The following SOX4 variants were observed in gnomAD, a reference collection of about 807,000 sequenced individuals.
SOX4 encodes the protein transcription factor SOX-4.
For synonymous variants in SOX4, 465 were observed against 348.4 expected (o/e 1.33, Z -3.73); for missense variants, 662 against 694.9 (o/e 0.95, Z 0.53).
In SOX4 at chr6:21,598,381, C is replaced by T. The variant is rs569227343; in HGVS notation, c.*2422C>T. 20 of 167,180 alleles carry T rather than the reference C, an allele frequency of 1.2e-4. No homozygotes were observed. The highest frequency in any genetic ancestry group is 2.0e-4 in the Admixed American group (3 of 15,306). The allele number at this position is 167,180 out of a possible 1,614,324, so 10.4% of individuals were successfully genotyped here. A position where few individuals can be genotyped will look rare whatever the true frequency, so the allele number is the denominator to read the frequency against. On this transcript the variant is annotated 3_prime_UTR_variant, in exon 1 of 1. Transcript: ENST00000244745. ...CACTAGGACGTCTGCCTTTTTAAGG[C>T]AGTTCCGTTAAGGGTTTTTGTTTTT...
Position 21,595,579 on chromosome 6 carries a change from C to A in SOX4, c.1045C>A (p.Pro349Thr). The change falls in exon 1 of 1, where the codon CCC becomes ACC. Residue 349 changes from proline (P) to threonine (T), a missense_variant. By Grantham distance (38) the Pro-to-Thr change is conservative (BLOSUM62 -1). Coordinates refer to ENST00000244745, the MANE Select transcript of SOX4 (RefSeq NM_003107.3). Reference protein sequence around the residue: ...LSGRSSAASSPAAGRSPADHR... With the variant: ...LSGRSSAASSTAAGRSPADHR... ...CGGCCGCAGCAGCGCCGCCTCGTCC[C>A]CCGCCGCCGGCCGCTCGCCCGCCGA... 1 of 1,198,822 alleles carries A rather than the reference C, an allele frequency of 8.3e-7. No individual in the cohort carries two copies. 74.3% of individuals were successfully genotyped at this position (1,198,822 alleles called of 1,614,324 possible). A position where few individuals can be genotyped will look rare whatever the true frequency, so the allele number is the denominator to read the frequency against.
rs545170892 is a variant in SOX4, at chr6:21,596,402, T to A, written c.*443T>A. The A allele has an allele frequency of 6.0e-6, 1 of 167,548 alleles. No individual in the cohort carries two copies. Among genetic ancestry groups the A allele is most frequent in the African/African-American group, 2.4e-5 (1 of 41,484 alleles). 10.4% of individuals were successfully genotyped at this position (167,548 alleles called of 1,614,324 possible). On this transcript the variant is annotated 3_prime_UTR_variant, in exon 1 of 1. Coordinates refer to ENST00000244745, the MANE Select transcript of SOX4 (RefSeq NM_003107.3). Reference sequence around the variant, plus strand: ...AGTTTTCTAGAGACTTGAAGGAGTCTCCCCCTTCCTGCATCACCACCTTGG... The same window carrying A: ...AGTTTTCTAGAGACTTGAAGGAGTCACCCCCTTCCTGCATCACCACCTTGG...
Position 21,595,399 on chromosome 6 carries a change from G to A in SOX4, c.865G>A (p.Ala289Thr), listed in dbSNP as rs567327969. Reference sequence around the variant, plus strand: ...GCTCGCGGCCCCGGGCAAGCACCTGGCGGAGAAGAAGGTGAAGCGCGTCTA... The same window carrying A: ...GCTCGCGGCCCCGGGCAAGCACCTGACGGAGAAGAAGGTGAAGCGCGTCTA... ...AALAAPGKHL[A>T]EKKVKRVYLF... Residue 289 changes from alanine (A) to threonine (T), a missense_variant, in exon 1 of 1, where the codon GCG becomes ACG. Coordinates refer to ENST00000244745, the MANE Select transcript of SOX4 (RefSeq NM_003107.3). The A allele has an allele frequency of 6.0e-5, 93 of 1,537,784 alleles. No homozygotes were observed. In the South Asian group the frequency reaches 1.0e-3, roughly 17 times the overall value.
rs918240351 is a variant in SOX4, at chr6:21,597,151, C to G, written c.*1192C>G. The G allele has an allele frequency of 5.4e-5, 9 of 166,400 alleles. No homozygotes were observed. Among genetic ancestry groups the G allele is most frequent in the African/African-American group, 2.2e-4 (9 of 41,384 alleles). The allele number at this position is 166,400 out of a possible 1,614,324, so 10.3% of individuals were successfully genotyped here. On this transcript the variant is annotated 3_prime_UTR_variant, in exon 1 of 1. Coordinates refer to ENST00000244745, the MANE Select transcript of SOX4 (RefSeq NM_003107.3). ...AAATAGTGTAGGATAATATAAAAAG[C>G]AGATAGATGGCGCTATGTTTGATTC...
At position 21,595,368 on chromosome 6, in the gene SOX4, C is replaced by G. The variant is rs375336899; in HGVS notation, c.834C>G (p.Ser278=). Residue 278 remains serine, a synonymous_variant, in exon 1 of 1, where the codon TCC becomes TCG. Coordinates refer to ENST00000244745, the MANE Select transcript of SOX4 (RefSeq NM_003107.3). ...SASASSAASA[S]AALAAPGKHL... The stretch of plus-strand genomic sequence containing the variant: ...CCGCCTCCTCGGCAGCCTCGGCCTC[C>G]GCAGCGCTCGCGGCCCCGGGCAAGC... The G allele has an allele frequency of 2.6e-6, 4 of 1,533,754 alleles. No homozygotes were observed. The African/African-American group carries it at 5.7e-5, about 22-fold the overall frequency.
Position 21,595,490 on chromosome 6 carries a change from G to A in SOX4, c.956G>A (p.Ser319Asn). The change falls in exon 1 of 1, where the codon AGC becomes AAC. Residue 319 changes from serine (S) to asparagine (N), a missense_variant. Ser to Asn is a conservative substitution (Grantham distance 46). Coordinates refer to ENST00000244745, the MANE Select transcript of SOX4 (RefSeq NM_003107.3). Reference protein sequence around the residue: ...VGGVGAGADPSDPLGLYEEEG... With the variant: ...VGGVGAGADPNDPLGLYEEEG... ...GGCGTGGGCGCGGGAGCCGACCCCA[G>A]CGACCCCCTGGGCCTGTACGAGGAG... 7.0e-7 allele frequency: 1 copy of A among 1,420,526 alleles called. No individual in the cohort carries two copies. The highest frequency in any genetic ancestry group is 1.5e-5 in the South Asian group (1 of 67,724). 88.0% of individuals were successfully genotyped at this position (1,420,526 alleles called of 1,614,324 possible).
chr6:21,595,715 C>T lies in SOX4; in HGVS notation c.1181C>T (p.Ser394Phe), dbSNP rs1353965720. 8.1e-6 allele frequency: 13 copies of T among 1,608,478 alleles called. No homozygotes were observed. The highest frequency in any genetic ancestry group is 1.1e-5 in the Non-Finnish European group (13 of 1,177,864). Residue 394 changes from serine to phenylalanine, a missense_variant, in exon 1 of 1, where the codon TCC becomes TTC. By Grantham distance (155) the Ser-to-Phe change is radical (BLOSUM62 -2). Transcript: ENST00000244745. ...SHSSSSSSSGSSSSDDEFEDD... is the reference protein window; with the variant it reads ...SHSSSSSSSGFSSSDDEFEDD... ...TCCTCCTCTTCCTCCTCCTCGGGCT[C>T]CTCGTCCTCCGACGACGAGTTCGAA...
At position 21,597,213 on chromosome 6, in the gene SOX4, AAC is replaced by A. The variant is rs1763186709; in HGVS notation, c.*1255_*1256del. On this transcript the variant is annotated 3_prime_UTR_variant, in exon 1 of 1. Transcript: ENST00000244745. ...TTATCACCAGCTTTTTTTCATTCTT[AAC>A]TCTTTAAAGGATTCAAACGCAACTC... The A allele has an allele frequency of 4.2e-5, 7 of 166,892 alleles. No individual in the cohort carries two copies. In the South Asian group the frequency reaches 1.4e-3, roughly 35 times the overall value. The allele number at this position is 166,892 out of a possible 1,614,324, so 10.3% of individuals were successfully genotyped here. A position where few individuals can be genotyped will look rare whatever the true frequency, so the allele number is the denominator to read the frequency against.
In SOX4 at chr6:21,598,558, A is replaced by C. The variant is rs1763221445; in HGVS notation, c.*2599A>C. The C allele has an allele frequency of 6.0e-6, 1 of 166,926 alleles. No homozygotes were observed. The highest frequency in any genetic ancestry group is 2.4e-5 in the African/African-American group (1 of 41,482). The allele number at this position is 166,926 out of a possible 1,614,324, so 10.3% of individuals were successfully genotyped here. A position where few individuals can be genotyped will look rare whatever the true frequency, so the allele number is the denominator to read the frequency against. ...TCACTGCCTGTCAGATTGTTGATAT[A>C]TACCTTCTGTAAATAACTTTTTTTG... On this transcript the variant is annotated 3_prime_UTR_variant, in exon 1 of 1. Coordinates refer to ENST00000244745, the MANE Select transcript of SOX4 (RefSeq NM_003107.3).
rs1236665811 is a variant in SOX4 at position 21,596,981 on chromosome 6, GA to G, written c.*1031del. 8 of 155,914 alleles carry G rather than the reference GA, an allele frequency of 5.1e-5. No homozygotes were observed. The highest frequency in any genetic ancestry group is 2.0e-4 in the East Asian group (1 of 5,010). The allele number at this position is 155,914 out of a possible 1,614,324, so 9.7% of individuals were successfully genotyped here. ...TTTCGGAAAAAAAAAAAGAAAAAAA[GA>G]AAAAAAAAGAAAAAAAAAAGATTTT... On this transcript the variant is annotated 3_prime_UTR_variant, in exon 1 of 1. Coordinates refer to ENST00000244745, the MANE Select transcript of SOX4 (RefSeq NM_003107.3).
rs1763194447 is a variant in SOX4, at chr6:21,597,511, C to CTTTTTTTTTCTTTTT, written c.*1561_*1562insCTTTTTTTTTTTTTT. On this transcript the variant is annotated 3_prime_UTR_variant, in exon 1 of 1. Coordinates refer to ENST00000244745, the MANE Select transcript of SOX4 (RefSeq NM_003107.3). ...TTTATTCCTTCCTTTTCCTTTTTTT[C>CTTTTTTTTTCTTTTT]TTTTTTTTTTCTTTTTTTTTTTTTT... The CTTTTTTTTTCTTTTT allele has an allele frequency of 9.8e-6, 1 of 101,942 alleles. No homozygotes were observed. The highest frequency in any genetic ancestry group is 3.6e-4 in the South Asian group (1 of 2,806). 6.3% of individuals were successfully genotyped at this position (101,942 alleles called of 1,614,324 possible).
In SOX4 at chr6:21,595,064, CG is replaced by C; in HGVS notation, c.536del (p.Gly179GlufsTer115). On this transcript the variant is annotated frameshift_variant, in exon 1 of 1. Transcript: ENST00000244745. LOFTEE classifies it low-confidence loss of function (END_TRUNC). ...GGGGGGGSSN[A>X]GGGGGGASGG... ...GGCGGCGGCGGCGGGAGCAGCAACGCGGGGGGAGGAGGCGGCGGTGCGAGTG... is the reference window on the plus strand; with the variant it reads ...GGCGGCGGCGGCGGGAGCAGCAACGCGGGGGAGGAGGCGGCGGTGCGAGTG... The C allele has an allele frequency of 1.4e-6, 2 of 1,415,430 alleles. No individual in the cohort carries two copies. Among genetic ancestry groups the C allele is most frequent in the Non-Finnish European group, 1.8e-6 (2 of 1,090,372 alleles). 87.7% of individuals were successfully genotyped at this position (1,415,430 alleles called of 1,614,324 possible).
Position 21,595,980 on chromosome 6 carries a change from A to C in SOX4, c.*21A>C. ...ACTGAAGGGCGCGCAGGCAGGGAGAAGGGCCGGGGGGGGTAGGAGAGGAGA... is the reference window on the plus strand; with the variant it reads ...ACTGAAGGGCGCGCAGGCAGGGAGACGGGCCGGGGGGGGTAGGAGAGGAGA... On this transcript the variant is annotated 3_prime_UTR_variant, in exon 1 of 1. Transcript: ENST00000244745. 6.8e-7 allele frequency: 1 copy of C among 1,472,976 alleles called. No individual in the cohort carries two copies. The allele number at this position is 1,472,976 out of a possible 1,614,324, so 91.2% of individuals were successfully genotyped here.
Position 21,594,573 on chromosome 6 carries a change from G to C in SOX4, c.39G>C (p.Ala13=). 1.2e-6 allele frequency: 2 copies of C among 1,608,230 alleles called. No individual in the cohort carries two copies. Among genetic ancestry groups the C allele is most frequent in the South Asian group, 2.2e-5 (2 of 90,770 alleles). Reference sequence around the variant, plus strand: ...CCAACAATGCCGAGAACACGGAAGCGCTGCTGGCCGGCGAGAGCTCGGACT... The same window carrying C: ...CCAACAATGCCGAGAACACGGAAGCCCTGCTGGCCGGCGAGAGCTCGGACT... ...QQTNNAENTE[A]LLAGESSDSG... The change falls in exon 1 of 1, where the codon GCG becomes GCC. Residue 13 remains alanine, a synonymous_variant. Coordinates refer to ENST00000244745, the MANE Select transcript of SOX4 (RefSeq NM_003107.3).
Position 21,595,466 on chromosome 6 carries a change from G to A in SOX4, c.932G>A (p.Gly311Asp), listed in dbSNP as rs373023186. ...GLGTSSSPVG[G>D]VGAGADPSDP... ...GGCACGTCGTCGTCGCCCGTGGGCGGCGTGGGCGCGGGAGCCGACCCCAGC... is the reference window on the plus strand; with the variant it reads ...GGCACGTCGTCGTCGCCCGTGGGCGACGTGGGCGCGGGAGCCGACCCCAGC... Residue 311 changes from glycine (G) to aspartate (D), a missense_variant, in exon 1 of 1, where the codon GGC becomes GAC. By Grantham distance (94) the Gly-to-Asp change is moderately conservative. Transcript: ENST00000244745. 1.0e-4 allele frequency: 149 copies of A among 1,463,772 alleles called. No homozygotes were observed. Among genetic ancestry groups the A allele is most frequent in the Non-Finnish European group, 1.3e-4 (139 of 1,111,784 alleles). The allele number at this position is 1,463,772 out of a possible 1,614,324, so 90.7% of individuals were successfully genotyped here.
In SOX4 at chr6:21,594,387, C is replaced by A. The variant is rs1763089845; in HGVS notation, c.-148C>A. 6 of 1,014,626 alleles carry A rather than the reference C, an allele frequency of 5.9e-6. No individual in the cohort carries two copies. Among genetic ancestry groups the A allele is most frequent in the Non-Finnish European group, 7.8e-6 (6 of 773,814 alleles). The allele number at this position is 1,014,626 out of a possible 1,614,324, so 62.9% of individuals were successfully genotyped here. A position where few individuals can be genotyped will look rare whatever the true frequency, so the allele number is the denominator to read the frequency against. ...TTTTCTCTCTTTACCCACCTCCGCCCCTGCGAGGAGTTGAGGGGCCAGTTC... is the reference window on the plus strand; with the variant it reads ...TTTTCTCTCTTTACCCACCTCCGCCACTGCGAGGAGTTGAGGGGCCAGTTC... On this transcript the variant is annotated 5_prime_UTR_variant, in exon 1 of 1. Transcript: ENST00000244745.
At position 21,594,403 on chromosome 6, in the gene SOX4, G is replaced by A. The variant is rs1031813733; in HGVS notation, c.-132G>A. The A allele has an allele frequency of 1.7e-6, 2 of 1,193,336 alleles. No homozygotes were observed. Among genetic ancestry groups the A allele is most frequent in the African/African-American group, 3.2e-5 (2 of 62,202 alleles). The allele number at this position is 1,193,336 out of a possible 1,614,324, so 73.9% of individuals were successfully genotyped here. The stretch of plus-strand genomic sequence containing the variant: ...ACCTCCGCCCCTGCGAGGAGTTGAG[G>A]GGCCAGTTCGGCCGCCGCGCGCGTC... On this transcript the variant is annotated 5_prime_UTR_variant, in exon 1 of 1. Coordinates refer to ENST00000244745, the MANE Select transcript of SOX4 (RefSeq NM_003107.3).
In SOX4 at chr6:21,593,777, T is replaced by C. The variant is rs1345530297; in HGVS notation, c.-758T>C. 1 of 152,084 alleles carries C rather than the reference T, an allele frequency of 6.6e-6. No individual in the cohort carries two copies. Among genetic ancestry groups the C allele is most frequent in the Admixed American group, 6.6e-5 (1 of 15,266 alleles). The allele number at this position is 152,084 out of a possible 1,614,324, so 9.4% of individuals were successfully genotyped here. A position where few individuals can be genotyped will look rare whatever the true frequency, so the allele number is the denominator to read the frequency against. On this transcript the variant is annotated 5_prime_UTR_variant, in exon 1 of 1. Transcript: ENST00000244745. Reference sequence around the variant, plus strand: ...CTCTAAGCTGCAGCAAGAGAAACTGTGTGTGAGGGGAAGAGGCCTGTTTCG... The same window carrying C: ...CTCTAAGCTGCAGCAAGAGAAACTGCGTGTGAGGGGAAGAGGCCTGTTTCG...
chr6:21,595,279 C>T lies in SOX4; in HGVS notation c.745C>T (p.Pro249Ser). The part of the protein sequence containing the change: ...AEQAGAAALL[P>S]LGAAADHHSL... ...ACAGGCGGGGGCCGCCGCCCTGCTG[C>T]CCCTGGGCGCCGCCGCCGACCACCA... The change falls in exon 1 of 1, where the codon CCC (proline) becomes TCC (serine). Residue 249 changes from proline to serine, a missense_variant. Coordinates refer to ENST00000244745, the MANE Select transcript of SOX4 (RefSeq NM_003107.3). The T allele has an allele frequency of 6.4e-6, 9 of 1,400,756 alleles. No individual in the cohort carries two copies. Among genetic ancestry groups the T allele is most frequent in the South Asian group, 1.5e-5 (1 of 67,700 alleles). 86.8% of individuals were successfully genotyped at this position (1,400,756 alleles called of 1,614,324 possible). A position where few individuals can be genotyped will look rare whatever the true frequency, so the allele number is the denominator to read the frequency against.
Sources: gnomAD v4.1 joint callset for allele counts on GRCh38, gnomAD v4.1.1 for gene constraint, MANE v1.5 for transcripts, NCBI Gene and HGNC (gene_info 2026-07-23, HGNC 2026-07-21) for gene names.